CRYM: variants seen among roughly 807,000 people sequenced by gnomAD.
The protein encoded by CRYM is crystallin mu.
A neutral mutation model predicts 32.9 loss-of-function variants in CRYM; 18 were observed. The ratio of observed to expected loss-of-function variants is 0.55; its 90% CI spans 0.38 to 0.81. The LOEUF is 0.81. Among genes scored for constraint, CRYM ranks in the 30% least tolerant of loss-of-function variants. The probability of loss-of-function intolerance (pLI) is 0.00; values close to 1 mark genes in which losing one functional copy is unlikely to be tolerated. For synonymous variants in CRYM, 153 were observed against 152.4 expected, an observed-to-expected ratio of 1.00 and a Z score of -0.03; for missense variants, 337 against 393.5, an observed-to-expected ratio of 0.86 and a Z score of 1.21.
At chr16:21,272,099 G>T (rs1251595089) in intron 3 of CRYM, among the ~76,000 whole-genome samples, 3 of 151,224 alleles carry the variant, frequency 2.0e-5, no homozygotes, top group Admixed American at 1.3e-4. Context: ...CTGACCTCAA[G>T]TGATCCACCT....
In CRYM at chr16:21,301,889, G is replaced by C. The variant is rs1027710526; in HGVS notation, c.-193+1089C>G. 7.2e-5 allele frequency among the ~76,000 whole-genome samples: 11 copies of C among 152,300 alleles called. No homozygotes were observed. The East Asian group carries it at 1.9e-3, about 27-fold the overall frequency. On this transcript the variant is annotated intron_variant, in intron 1 of 9. Coordinates refer to the CRYM transcript ENST00000219599. ...GAGGCGGCAGCGGCGAGGCCTGAGG[G>C]TGCGTGCTAGGGAGTCCTGGCGCGT...
chr16:21,302,891 G>T (rs745587356), intron 1 of CRYM: 3 of 152,334 alleles, frequency 2.0e-5, no homozygotes, highest in African/African-American at 4.8e-5. Flanking sequence ...TAAAGAAAAT[G>T]CTCTGTATTA....
chr16:21,260,710 C>T (rs2093352831), intron 7 of CRYM, among the ~76,000 whole-genome samples: 1 of 152,152 alleles, frequency 6.6e-6, no homozygotes, highest in African/African-American at 2.4e-5. Flanking sequence ...TATAAGGTAC[C>T]CCATACAACT....
chr16:21,296,184 C>T (rs1308658099), intron 1 of CRYM, among the ~76,000 whole-genome samples: 2 of 152,302 alleles, frequency 1.3e-5, no homozygotes, highest in South Asian at 2.1e-4. Flanking sequence ...GTGATCCACC[C>T]GCCTTGGCCT....
At chr16:21,260,651 G>A (rs2093352753) in intron 7 of CRYM, among the ~76,000 whole-genome samples, 1 of 152,196 alleles carries the variant, frequency 6.6e-6, no homozygotes. Context: ...AAGAGGACCT[G>A]GGGCAAGGGA....
In CRYM at chr16:21,261,575, G is replaced by A. The variant is rs951469930; in HGVS notation, c.796-237C>T. 6 of 575,416 alleles carry A rather than the reference G, an allele frequency of 1.0e-5. 1 individual carries two copies. Among genetic ancestry groups the A allele is most frequent in the Non-Finnish European group, 1.8e-5 (6 of 324,650 alleles). The allele number at this position is 575,416 out of a possible 1,614,324, so 35.6% of individuals were successfully genotyped here. A position where few individuals can be genotyped will look rare whatever the true frequency, so the allele number is the denominator to read the frequency against. On this transcript the variant is annotated intron_variant, in intron 6 of 7. Transcript: ENST00000572914. Reference sequence around the variant, plus strand: ...CATAAACACAGAGATTCGAGTTGGTGCTCAGGGAGCTGTCCTGCCAAGATC... The same window carrying A: ...CATAAACACAGAGATTCGAGTTGGTACTCAGGGAGCTGTCCTGCCAAGATC...
intron 3 of CRYM, among the ~76,000 whole-genome samples, chr16:21,273,718 C>T (rs8055277): frequency 0.05 from 7,547 of 152,226 alleles, 615 homozygotes; most frequent in African/African-American, 0.17. Context: ...TTCTTTTATG[C>T]GTAAAATGAG....
chr16:21,275,612 A>G lies in CRYM; in HGVS notation c.325-18T>C. On this transcript the variant is annotated intron_variant, in intron 2 of 7. Transcript: ENST00000572914. ...TCCATGACCTTGGAGGAAAAGAGAG[A>G]CAGTGAGCAAGGGGAACCCCTGTCC... The G allele has an allele frequency of 6.2e-7, 1 of 1,606,766 alleles. No individual in the cohort carries two copies. The highest frequency in any genetic ancestry group is 1.1e-5 in the South Asian group (1 of 90,922).
chr16:21,290,600 G>T (rs191268057), intron 1 of CRYM, among the ~76,000 whole-genome samples: 3 of 152,324 alleles, frequency 2.0e-5, no homozygotes, highest in Admixed American at 1.3e-4. Flanking sequence ...TTTTTGCTCA[G>T]ACTTATAATT....
upstream of CRYM, chr16:21,278,465 C>A (rs1022422497): frequency 1.3e-5 from 8 of 609,218 alleles, no homozygotes; most frequent in Admixed American, 5.7e-5. Context: ...TCCCTTCCAG[C>A]AACGGATTCC....
chr16:21,293,144 G>A (rs1020997738), intron 1 of CRYM, among the ~76,000 whole-genome samples: 1 of 152,170 alleles, frequency 6.6e-6, no homozygotes, highest in Non-Finnish European at 1.5e-5. Flanking sequence ...AAATGAGAAA[G>A]GATAGTCATT....
intron 3 of CRYM, among the ~76,000 whole-genome samples, chr16:21,275,136 T>C (rs967933803): frequency 1.6e-4 from 25 of 152,322 alleles, no homozygotes; most frequent in South Asian, 1.5e-3. Flanking sequence ...AGGGGCAATG[T>C]GGTACAGGGA....
chr16:21,263,071 ACT>A (rs1196499471), intron 5 of CRYM, among the ~76,000 whole-genome samples: 1 of 151,872 alleles, frequency 6.6e-6, no homozygotes, highest in East Asian at 1.9e-4. Context: ...AGAGGGTCTC[ACT>A]CTGTTGCCCA....
At chr16:21,289,410 C>G (rs572398492) in intron 1 of CRYM, among the ~76,000 whole-genome samples, 28 of 152,098 alleles carry the variant, frequency 1.8e-4, no homozygotes, top group Non-Finnish European at 3.7e-4. Context: ...TTTTGGTTAC[C>G]GTTTGCATTG....
chr16:21,290,740 A>G (rs1335081029), intron 1 of CRYM, among the ~76,000 whole-genome samples: 1 of 152,192 alleles, frequency 6.6e-6, no homozygotes, highest in Non-Finnish European at 1.5e-5. Flanking sequence ...TTAATTTAGT[A>G]TTTAGAGGAA....
intron 7 of CRYM, among the ~76,000 whole-genome samples, chr16:21,259,683 A>G (rs1250205267): frequency 6.6e-6 from 1 of 152,220 alleles, no homozygotes; most frequent in Non-Finnish European, 1.5e-5. Context: ...AAAAGCAGGC[A>G]GCAGAGCAGG....
At chr16:21,278,789 CT>C (rs1355419000), upstream of CRYM, 1 of 156,504 alleles carries the variant, frequency 6.4e-6, no homozygotes, top group Non-Finnish European at 1.4e-5. Context: ...TTCCTCCCCC[CT>C]GTACCCCCAG....
At chr16:21,278,007 ACC>A in intron 1 of CRYM, 73 bp downstream of exon 1, 1 of 1,451,452 alleles carries the variant, frequency 6.9e-7, no homozygotes, top group Non-Finnish European at 9.2e-7. Context: ...CCCTTCTCCC[ACC>A]CCTCCTCTTC....
intron 5 of CRYM, 71 bp from the exon 6 acceptor site, chr16:21,262,229 G>T: frequency 6.2e-7 from 1 of 1,602,570 alleles, no homozygotes; most frequent in South Asian, 1.1e-5. Context: ...CAAAGCACAG[G>T]AGAGAGGTGA....
Sources: allele counts gnomAD v4.1 joint callset (sites outside exome capture counted in the v4.1 genomes callset), GRCh38; gene constraint gnomAD v4.1.1; transcripts MANE v1.5; gene names NCBI Gene and HGNC (gene_info 2026-07-23, HGNC 2026-07-21).